PTPRM: variants seen among roughly 807,000 people sequenced by gnomAD.
PTPRM encodes receptor-type tyrosine-protein phosphatase mu.
A neutral mutation model predicts 186.7 loss-of-function variants in PTPRM; 47 were observed. That is an observed-to-expected ratio of 0.25 (90% CI 0.20 to 0.32). PTPRM has a LOEUF of 0.32. PTPRM is among the 10% of genes least tolerant of loss of function. The pLI is 1.00. For synonymous variants in PTPRM, 668 were observed against 674.9 expected (o/e 0.99, Z 0.16); for missense variants, 1,494 against 1,865.0 (o/e 0.80, Z 3.66).
chr18:8,395,842 T>C (rs1037690884), intron 32 of PTPRM, among the ~76,000 whole-genome samples: 1 of 152,226 alleles, frequency 6.6e-6, no homozygotes, highest in African/African-American at 2.4e-5. Context: ...AGTTTTGTCA[T>C]TTAAGTGTCC....
Position 8,275,992 on chromosome 18 carries a change from T to C in PTPRM, c.2755-20376T>C, listed in dbSNP as rs530790562. On this transcript the variant is annotated intron_variant, in intron 19 of 32. Transcript: ENST00000580170. ...TTGTTCTGTGGTAAAGACCTCTCGC[T>C]TGGGTCATGTCCACATTTTCCCTCA... Among the ~76,000 whole-genome samples, 10 of 152,278 alleles carry C rather than the reference T, an allele frequency of 6.6e-5. No individual in the cohort carries two copies. In the East Asian group the frequency reaches 1.9e-3, roughly 29 times the overall value.
At chr18:7,738,528 C>T (rs1043459808) in intron 1 of PTPRM, among the ~76,000 whole-genome samples, 2 of 151,844 alleles carry the variant, frequency 1.3e-5, no homozygotes, top group Admixed American at 6.6e-5. Flanking sequence ...CTCCGCCTCC[C>T]GGGTTCATGC....
intron 14 of PTPRM, among the ~76,000 whole-genome samples, chr18:8,192,236 T>A (rs1409541142): frequency 6.6e-6 from 1 of 152,176 alleles, no homozygotes; most frequent in Non-Finnish European, 1.5e-5. Context: ...CGCACACATA[T>A]TCTAGGCTTT....
At chr18:8,070,345 T>G (rs1392846978) in intron 8 of PTPRM, among the ~76,000 whole-genome samples, 1 of 152,154 alleles carries the variant, frequency 6.6e-6, no homozygotes, top group African/African-American at 2.4e-5. Flanking sequence ...TTTTGGGTAT[T>G]AGATTATTTA....
At chr18:7,666,257 TCTGTTCC>T (rs2039092118) in intron 1 of PTPRM, among the ~76,000 whole-genome samples, 2 of 152,220 alleles carry the variant, frequency 1.3e-5, no homozygotes, top group Non-Finnish European at 2.9e-5. Flanking sequence ...CTCTTCTCTT[TCTGTTCC>T]CTTCCTTTGT....
intron 1 of PTPRM, among the ~76,000 whole-genome samples, chr18:7,638,639 A>G (rs1033374395): frequency 2.0e-5 from 3 of 152,190 alleles, no homozygotes; most frequent in African/African-American, 4.8e-5. Context: ...CTACATCACA[A>G]TATTAAGTTC....
intron 1 of PTPRM, among the ~76,000 whole-genome samples, chr18:7,766,988 T>TA (rs2042044216): frequency 6.6e-6 from 1 of 152,220 alleles, no homozygotes; most frequent in Non-Finnish European, 1.5e-5. Flanking sequence ...ATAAAAGTCT[T>TA]ACTGGTTGTG....
chr18:7,668,012 A>G lies in PTPRM; in HGVS notation c.73+100121A>G, dbSNP rs1305985070. The stretch of plus-strand genomic sequence containing the variant: ...TCGAAGGGCAGTCCACCTACGTGCC[A>G]CAAGTTCTGAGTAAATGTGGAATCA... On this transcript the variant is annotated intron_variant, in intron 1 of 32. Coordinates refer to ENST00000580170, the MANE Select transcript of PTPRM (RefSeq NM_001105244.2). This position sits in a 1 kb window ranked among gnomAD's most constrained non-coding sequence, Gnocchi z 4.7. 4.6e-5 allele frequency among the ~76,000 whole-genome samples: 7 copies of G among 152,086 alleles called. No individual in the cohort carries two copies. The highest frequency in any genetic ancestry group is 8.8e-5 in the Non-Finnish European group (6 of 68,022).
chr18:7,845,639 A>G (rs561956169), intron 2 of PTPRM, among the ~76,000 whole-genome samples: 3 of 152,164 alleles, frequency 2.0e-5, no homozygotes, highest in Non-Finnish European at 4.4e-5. Context: ...ACATTTATGG[A>G]CAACATTCCC....
At chr18:7,612,177 CTGTGTGTG>C (rs367874001) in intron 1 of PTPRM, among the ~76,000 whole-genome samples, 2 of 149,264 alleles carry the variant, frequency 1.3e-5, no homozygotes, top group African/African-American at 4.9e-5. Context: ...TGTATGTGCT[CTGTGTGTG>C]TGTGTGTGTG....
intron 1 of PTPRM, among the ~76,000 whole-genome samples, chr18:7,676,665 G>GTGTA (rs1555650406): frequency 9.2e-6 from 1 of 108,818 alleles, no homozygotes; most frequent in African/African-American, 4.0e-5. Flanking sequence ...GTGTGTGTAT[G>GTGTA]TGTGTGTGTG....
At chr18:7,987,584 G>A (rs1396144265) in intron 7 of PTPRM, among the ~76,000 whole-genome samples, 1 of 152,108 alleles carries the variant, frequency 6.6e-6, no homozygotes, top group African/African-American at 2.4e-5. Flanking sequence ...CAGGGATAAA[G>A]GATGGGGAAT....
In PTPRM at chr18:8,077,801, G is replaced by C. The variant is rs902687137; in HGVS notation, c.1551+1237G>C. Among the ~76,000 whole-genome samples the C allele has an allele frequency of 2.0e-5, 3 of 152,144 alleles. No homozygotes were observed. The East Asian group carries it at 5.8e-4, about 29-fold the overall frequency. ...AGCCGTAAGTTCACCTGTCCTAAAA[G>C]CCACATGTTGCTATCTAGACAGACA... On this transcript the variant is annotated intron_variant, in intron 9 of 32. Transcript: ENST00000580170.
intron 13 of PTPRM, among the ~76,000 whole-genome samples, chr18:8,116,030 G>A (rs1274495230): frequency 6.6e-6 from 1 of 152,146 alleles, no homozygotes; most frequent in African/African-American, 2.4e-5. Context: ...TTGTACCTAA[G>A]TGACTTTATG....
intron 14 of PTPRM, among the ~76,000 whole-genome samples, chr18:8,206,393 C>T (rs1035728818): frequency 5.3e-5 from 8 of 151,962 alleles, no homozygotes; most frequent in Non-Finnish European, 8.8e-5. Context: ...TAGCTACAGG[C>T]GCCCGCCACC....
chr18:8,166,925 C>G (rs1231892061), intron 14 of PTPRM, among the ~76,000 whole-genome samples: 1 of 152,180 alleles, frequency 6.6e-6, no homozygotes, highest in African/African-American at 2.4e-5. Flanking sequence ...ACCTGTTGAG[C>G]TGGAAAGAAA....
intron 31 of PTPRM, among the ~76,000 whole-genome samples, chr18:8,393,371 G>A (rs755582759): frequency 3.9e-5 from 6 of 152,200 alleles, no homozygotes; most frequent in African/African-American, 9.7e-5. Flanking sequence ...GGCTGGGGAC[G>A]ACAGCTACTT....
intron 20 of PTPRM, among the ~76,000 whole-genome samples, chr18:8,310,130 C>G (rs933754227): frequency 6.6e-6 from 1 of 152,052 alleles, no homozygotes; most frequent in African/African-American, 2.4e-5. Flanking sequence ...AACATGATAC[C>G]TCTTCTCATC....
intron 13 of PTPRM, among the ~76,000 whole-genome samples, chr18:8,140,208 C>T (rs2092731941): frequency 6.6e-6 from 1 of 152,106 alleles, no homozygotes; most frequent in Non-Finnish European, 1.5e-5. Flanking sequence ...TGACAGCCTT[C>T]ATGGCCTTCT....
Sources: allele counts gnomAD v4.1 joint callset (sites outside exome capture counted in the v4.1 genomes callset), GRCh38; gene constraint gnomAD v4.1.1; non-coding constraint Gnocchi (gnomAD v3.1); transcripts MANE v1.5; gene names NCBI Gene and HGNC (gene_info 2026-07-23, HGNC 2026-07-21).